Variants in PKHD1 observed in about 807,000 individuals in gnomAD.
PKHD1 encodes PKHD1 ciliary IPT domain containing fibrocystin/polyductin.
In PKHD1, 291 loss-of-function variants were observed where a neutral mutation model predicts 412.0. The ratio of observed to expected loss-of-function variants is 0.71; its 90% CI spans 0.64 to 0.78. The LOEUF (loss-of-function observed/expected upper bound fraction) is 0.78, where lower values mean the gene tolerates loss of function less well. PKHD1 is among the 30% of genes least tolerant of loss of function. The probability of loss-of-function intolerance (pLI) is 0.00; values close to 1 mark genes in which losing one functional copy is unlikely to be tolerated. For missense variants in PKHD1, 4,825 were observed against 4,950.7 expected (o/e 0.97, Z 0.76); for synonymous variants, 1,777 against 1,821.5 (o/e 0.98, Z 0.62).
chr6:51,941,054 TC>T (rs200614652), intron 36 of PKHD1, among the ~76,000 whole-genome samples: 1,702 of 149,252 alleles, frequency 0.011, 36 homozygotes, highest in African/African-American at 0.038. Context: ...TCCTCTTGTA[TC>T]CCCCCCCACC....
intron 53 of PKHD1, among the ~76,000 whole-genome samples, chr6:51,776,792 G>A (rs1582627541): frequency 6.6e-6 from 1 of 151,990 alleles, no homozygotes; most frequent in Admixed American, 6.6e-5. Flanking sequence ...GACTCATAAA[G>A]ACATAAGGCT....
intron 60 of PKHD1, among the ~76,000 whole-genome samples, chr6:51,661,609 G>C (rs1352680490): frequency 1.3e-5 from 2 of 151,948 alleles, no homozygotes; most frequent in Non-Finnish European, 2.9e-5. Flanking sequence ...TCCAAGTTGA[G>C]GATGGTGAGG....
intron 27 of PKHD1, among the ~76,000 whole-genome samples, chr6:52,036,814 A>G (rs190974187): frequency 2.9e-4 from 44 of 152,370 alleles, no homozygotes; most frequent in African/African-American, 1.0e-3. Flanking sequence ...AAACTTACAT[A>G]AGAAAACTAA....
At chr6:51,758,294 T>A (rs368764088) in intron 55 of PKHD1, among the ~76,000 whole-genome samples, 1 of 152,130 alleles carries the variant, frequency 6.6e-6, no homozygotes, top group Non-Finnish European at 1.5e-5. Flanking sequence ...CAAAGGAGCA[T>A]TGCCCCTTCC....
chr6:51,783,727 T>G (rs1792416431), intron 53 of PKHD1, among the ~76,000 whole-genome samples: 1 of 152,182 alleles, frequency 6.6e-6, no homozygotes, highest in South Asian at 2.1e-4. Context: ...AAACAAATGT[T>G]TATTGAACAA....
At chr6:51,814,280 C>T (rs1216518571) in intron 52 of PKHD1, among the ~76,000 whole-genome samples, 1 of 152,148 alleles carries the variant, frequency 6.6e-6, no homozygotes, top group Non-Finnish European at 1.5e-5. Context: ...AGTTACTCTA[C>T]GATTCTCTCA....
intron 22 of PKHD1, 38 bp downstream of exon 22, chr6:52,050,119 T>C (rs1455449589): frequency 2.2e-5 from 35 of 1,609,026 alleles, no homozygotes; most frequent in Admixed American, 3.3e-5. Flanking sequence ...ACAAGCATTC[T>C]TAGGAGAAGG....
intron 34 of PKHD1, among the ~76,000 whole-genome samples, chr6:52,012,136 T>C (rs748114781): frequency 1.5e-4 from 23 of 152,206 alleles, no homozygotes; most frequent in Non-Finnish European, 2.9e-4. Flanking sequence ...CTACATGACA[T>C]TGAAGACATT....
At chr6:51,667,497 C>T (rs1225073756) in intron 60 of PKHD1, among the ~76,000 whole-genome samples, 3 of 149,800 alleles carry the variant, frequency 2.0e-5, no homozygotes, top group Admixed American at 1.3e-4. Flanking sequence ...TTGTAGGTTG[C>T]CTGTTCACTC....
At chr6:51,766,244 C>T (rs1302971536) in intron 55 of PKHD1, among the ~76,000 whole-genome samples, 2 of 152,028 alleles carry the variant, frequency 1.3e-5, no homozygotes, top group Non-Finnish European at 2.9e-5. Flanking sequence ...GAAAAGCACA[C>T]CAAAGCATAC....
intron 53 of PKHD1, among the ~76,000 whole-genome samples, chr6:51,781,599 T>A (rs960175804): frequency 2.0e-5 from 3 of 152,100 alleles, no homozygotes; most frequent in African/African-American, 7.2e-5. Flanking sequence ...AATAATAGCA[T>A]CCATTTTTTG....
At chr6:51,653,517 T>G (rs955694505) in intron 61 of PKHD1, among the ~76,000 whole-genome samples, 5 of 152,140 alleles carry the variant, frequency 3.3e-5, no homozygotes, top group African/African-American at 1.2e-4. Flanking sequence ...CATCTTTGCC[T>G]TCAACTTCAC....
chr6:51,764,600 A>G (rs1788653083), intron 55 of PKHD1, among the ~76,000 whole-genome samples: 1 of 151,130 alleles, frequency 6.6e-6, no homozygotes, highest in Admixed American at 6.6e-5. Flanking sequence ...TGCTGCTATA[A>G]AGACACATGC....
intron 60 of PKHD1, among the ~76,000 whole-genome samples, chr6:51,683,361 T>TTC (rs1562094974): frequency 6.6e-6 from 1 of 152,048 alleles, no homozygotes; most frequent in Non-Finnish European, 1.5e-5. Context: ...GGCTTACTTA[T>TTC]ACCAAAGGCT....
intron 35 of PKHD1, among the ~76,000 whole-genome samples, chr6:51,992,402 T>C (rs1032496516): frequency 3.9e-5 from 6 of 152,238 alleles, no homozygotes; most frequent in East Asian, 3.8e-4. Flanking sequence ...TTGAAAAGTA[T>C]CAATTTATCC....
intron 46 of PKHD1, among the ~76,000 whole-genome samples, chr6:51,881,470 G>A (rs185711556): frequency 6.2e-4 from 95 of 152,138 alleles, no homozygotes; most frequent in Non-Finnish European, 1.0e-3. Flanking sequence ...TAGAGGGTAC[G>A]GTAAACAGCA....
Position 52,054,086 on chromosome 6 carries a change from A to G in PKHD1, c.1916T>C (p.Val639Ala), listed in dbSNP as rs776732552. The G allele has an allele frequency of 1.2e-6, 2 of 1,613,932 alleles. No homozygotes were observed. Among genetic ancestry groups the G allele is most frequent in the East Asian group, 2.2e-5 (1 of 44,864 alleles). The change falls in exon 20 of 67, where the codon GTA becomes GCA. Residue 639 changes from valine (V) to alanine (A), a missense_variant. Physicochemically the swap from Val to Ala is moderately conservative, Grantham distance 64 (BLOSUM62 0). Transcript: ENST00000371117. ...ACTCCAGTCACAGGTGGTATTCTTT[A>G]CCATGTTTTGAAAGCCGATTGTGAA... The part of the protein sequence containing the change: ...VSFTIGFQNM[V>A]KNTTCDWSLT...
chr6:51,681,493 A>C (rs1279527985), intron 60 of PKHD1, among the ~76,000 whole-genome samples: 1 of 152,100 alleles, frequency 6.6e-6, no homozygotes, highest in African/African-American at 2.4e-5. Context: ...ACTTTAAAAG[A>C]CCAGTAGCCT....
At chr6:51,828,549 T>C (rs1706355100) in intron 52 of PKHD1, among the ~76,000 whole-genome samples, 1 of 152,144 alleles carries the variant, frequency 6.6e-6, no homozygotes, top group African/African-American at 2.4e-5. Context: ...TAAAATCCTA[T>C]AGTGGTATGT....
Sources: gnomAD v4.1 joint callset for allele counts (sites outside exome capture counted in the v4.1 genomes callset) on GRCh38, gnomAD v4.1.1 for gene constraint, MANE v1.5 for transcripts, NCBI Gene and HGNC (gene_info 2026-07-23, HGNC 2026-07-21) for gene names.